Variants in TSKS observed in about 807,000 individuals in gnomAD.
TSKS encodes the protein testis specific serine kinase substrate, also known as testis-specific serine kinase substrate.
A neutral mutation model predicts 68.0 loss-of-function variants in TSKS; 27 were observed. The observed-to-expected ratio is 0.40, with a 90% confidence interval of 0.29 to 0.55. The LOEUF is 0.55. Among genes scored for constraint, TSKS ranks in the 20% least tolerant of loss-of-function variants. The pLI is 0.53. For missense variants in TSKS, 806 were observed against 776.0 expected, an observed-to-expected ratio of 1.04 and a Z score of -0.46; for synonymous variants, 331 against 340.4, an observed-to-expected ratio of 0.97 and a Z score of 0.30.
chr19:49,762,113 C>A lies in TSKS; in HGVS notation c.290G>T (p.Gly97Val). ...LAAMEPTDST[G>V]TDSTVEDLSG... ...GAGGTCTTCCACTGTGGAGTCTGTC[C>A]CCGTGGAGTCAGTGGGCTCCATGGC... The change falls in exon 2 of 11, where the codon GGG becomes GTG. Residue 97 changes from glycine (G) to valine (V), a missense_variant. By Grantham distance (109) the Gly-to-Val change is moderately radical. Transcript: ENST00000246801. The A allele has an allele frequency of 6.2e-7, 1 of 1,614,106 alleles. No homozygotes were observed. The highest frequency in any genetic ancestry group is 8.5e-7 in the Non-Finnish European group (1 of 1,180,008).
At chr19:49,745,510 C>T (rs543369785) in intron 6 of TSKS, 114 bp from the exon 7 acceptor site, 7 of 941,124 alleles carry the variant, frequency 7.4e-6, no homozygotes, top group Non-Finnish European at 9.0e-6. Context: ...AGACCATGCC[C>T]GTGGCTCCAG....
intron 4 of TSKS, 130 bp downstream of exon 4, chr19:49,747,955 T>G: frequency 1.2e-6 from 1 of 830,242 alleles, no homozygotes; most frequent in Non-Finnish European, 2.0e-6. Context: ...GTGATCTGCC[T>G]GCCTCGGCCT....
In TSKS at chr19:49,763,193, C is replaced by T. The variant is rs149529240; in HGVS notation, c.55G>A (p.Gly19Arg). The T allele has an allele frequency of 1.4e-4, 222 of 1,580,568 alleles. No homozygotes were observed. Among genetic ancestry groups the T allele is most frequent in the Middle Eastern group, 1.0e-3 (6 of 5,840 alleles). ...CTCTCCACCCCCGTGGGGGTGTCCC[C>T]GGCCTCATGGATCTCTTTGGACTGC... Reference protein sequence around the residue: ...IWQSKEIHEAGDTPTGVESCS... With the variant: ...IWQSKEIHEARDTPTGVESCS... Residue 19 changes from glycine (G) to arginine (R), a missense_variant, in exon 1 of 11, where the codon GGG (glycine) becomes AGG (arginine). Coordinates refer to ENST00000246801, the MANE Select transcript of TSKS (RefSeq NM_021733.2). The surrounding 1 kb of genome is among the most constrained non-coding windows in gnomAD (Gnocchi z 4.5).
chr19:49,746,803 G>A lies in TSKS; in HGVS notation c.664-5C>T. 5 of 1,597,818 alleles carry A rather than the reference G, an allele frequency of 3.1e-6. No homozygotes were observed. The highest frequency in any genetic ancestry group is 4.2e-6 in the Non-Finnish European group (5 of 1,179,018). ...CTGGAGGTAGCGCAGCTTCTCCTGG[G>A]TGGTAAGGGAGGACGGGGTCACAGC... On this transcript the variant is annotated splice_polypyrimidine_tract_variant and splice_region_variant and intron_variant, in intron 5 of 10. Transcript: ENST00000246801.
intron 8 of TSKS, among the ~76,000 whole-genome samples, chr19:49,742,779 A>G (rs1447828008): frequency 6.6e-6 from 1 of 151,346 alleles, no homozygotes; most frequent in East Asian, 2.0e-4. Flanking sequence ...TTACAGGCGT[A>G]AGCCACCACG....
chr19:49,749,940 T>C (rs1193157437), intron 2 of TSKS, among the ~76,000 whole-genome samples: 1 of 152,132 alleles, frequency 6.6e-6, no homozygotes, highest in Admixed American at 6.6e-5. Flanking sequence ...ATTTATTTTT[T>C]TTTTTAGCCT....
chr19:49,763,221 G>C lies in TSKS; in HGVS notation c.27C>G (p.Ile9Met). The C allele has an allele frequency of 6.5e-6, 10 of 1,530,964 alleles. No individual in the cohort carries two copies. Among genetic ancestry groups the C allele is most frequent in the Non-Finnish European group, 8.8e-6 (10 of 1,140,634 alleles). 94.8% of individuals were successfully genotyped at this position (1,530,964 alleles called of 1,614,324 possible). A position where few individuals can be genotyped will look rare whatever the true frequency, so the allele number is the denominator to read the frequency against. ...CCTCATGGATCTCTTTGGACTGCCAGATCGTCTTCACCACCACGCTCGCCA... is the reference window on the plus strand; with the variant it reads ...CCTCATGGATCTCTTTGGACTGCCACATCGTCTTCACCACCACGCTCGCCA... MASVVVKTIWQSKEIHEAG... is the reference protein window; with the variant it reads MASVVVKTMWQSKEIHEAG... The change falls in exon 1 of 11, where the codon ATC (isoleucine) becomes ATG (methionine). Residue 9 changes from isoleucine (I) to methionine (M), a missense_variant. Coordinates refer to ENST00000246801, the MANE Select transcript of TSKS (RefSeq NM_021733.2). This position sits in a 1 kb window ranked among gnomAD's most constrained non-coding sequence, Gnocchi z 4.5.
chr19:49,741,771 G>C, intron 9 of TSKS, 114 bp downstream of exon 9: 2 of 1,460,732 alleles, frequency 1.4e-6, no homozygotes, highest in Non-Finnish European at 1.9e-6. Context: ...GCTGCTCCCA[G>C]CTCAGCCCTT....
Position 49,748,411 on chromosome 19 carries a change from T to C in TSKS, c.458A>G (p.Lys153Arg), listed in dbSNP as rs554374712. 159 of 1,614,154 alleles carry C rather than the reference T, an allele frequency of 9.9e-5. No individual in the cohort carries two copies. The highest frequency in any genetic ancestry group is 2.3e-4 in the Admixed American group (14 of 60,004). ...CACGTGCTGGTTAACCCGGTTGGTC[T>C]TTTCCTTCAAGCTGGTGATGGAGTC... ...AKDSITSLKE[K>R]TNRVNQHVQS... Residue 153 changes from lysine to arginine, a missense_variant, in exon 3 of 11, where the codon AAG becomes AGG. Transcript: ENST00000246801.
intron 9 of TSKS, among the ~76,000 whole-genome samples, chr19:49,741,042 G>A (rs530285744): frequency 6.6e-6 from 1 of 152,172 alleles, no homozygotes; most frequent in African/African-American, 2.4e-5. Context: ...GCCAGGTATG[G>A]TGGCAGGCGC....
chr19:49,759,019 G>A (rs1205513876), intron 2 of TSKS, among the ~76,000 whole-genome samples: 4 of 151,716 alleles, frequency 2.6e-5, no homozygotes, highest in African/African-American at 4.8e-5. Flanking sequence ...CACCACGTCC[G>A]GCTAATTGTA....
rs766587963 is a variant in TSKS at position 49,762,034 on chromosome 19, A to G, written c.369T>C (p.Asp123=). 3.2e-5 allele frequency: 52 copies of G among 1,613,952 alleles called. No individual in the cohort carries two copies. The highest frequency in any genetic ancestry group is 4.3e-5 in the Non-Finnish European group (51 of 1,179,958). Residue 123 remains aspartate (D), a synonymous_variant, in exon 2 of 11, where the codon GAT becomes GAC. Coordinates refer to ENST00000246801, the MANE Select transcript of TSKS (RefSeq NM_021733.2). The part of the protein sequence containing the change: ...GPPASPTLPW[D]PDDADITEIL... Reference sequence around the variant, plus strand: ...TTTCCGTGATGTCTGCGTCATCCGGATCCCAGGGTAGGGTAGGGGAGGCAG... The same window carrying G: ...TTTCCGTGATGTCTGCGTCATCCGGGTCCCAGGGTAGGGTAGGGGAGGCAG...
chr19:49,762,986 C>T, intron 1 of TSKS, 92 bp downstream of exon 1: 1 of 1,478,292 alleles, frequency 6.8e-7, no homozygotes, highest in Non-Finnish European at 9.0e-7. Flanking sequence ...TTTTCCCCCT[C>T]CCCTTCCTCT....
intron 1 of TSKS, among the ~76,000 whole-genome samples, chr19:49,762,677 T>C (rs942881795): frequency 5.3e-5 from 8 of 151,980 alleles, no homozygotes; most frequent in African/African-American, 1.9e-4. Context: ...TCCACCTGCC[T>C]CGGCCTCCCA....
At chr19:49,743,259 A>G (rs1360739204) in intron 8 of TSKS, among the ~76,000 whole-genome samples, 1 of 151,446 alleles carries the variant, frequency 6.6e-6, no homozygotes, top group Non-Finnish European at 1.5e-5. Context: ...TTGTATTTTT[A>G]GTAGAGATGG....
rs749342962 is a variant in TSKS at position 49,762,116 on chromosome 19, G to C, written c.287C>G (p.Thr96Arg). The C allele has an allele frequency of 6.2e-6, 10 of 1,614,128 alleles. No homozygotes were observed. Among genetic ancestry groups the C allele is most frequent in the South Asian group, 3.3e-5 (3 of 91,086 alleles). Reference protein sequence around the residue: ...NLAAMEPTDSTGTDSTVEDLS... With the variant: ...NLAAMEPTDSRGTDSTVEDLS... ...GTCTTCCACTGTGGAGTCTGTCCCC[G>C]TGGAGTCAGTGGGCTCCATGGCGGC... is the stretch of plus-strand genomic sequence containing the variant. The change falls in exon 2 of 11, where the codon ACG (threonine) becomes AGG (arginine). Residue 96 changes from threonine (T) to arginine (R), a missense_variant. Coordinates refer to ENST00000246801, the MANE Select transcript of TSKS (RefSeq NM_021733.2).
In TSKS at chr19:49,763,225, G is replaced by A. The variant is rs771623641; in HGVS notation, c.23C>T (p.Thr8Met). The A allele has an allele frequency of 3.4e-5, 51 of 1,518,670 alleles. No individual in the cohort carries two copies. The highest frequency in any genetic ancestry group is 2.5e-4 in the East Asian group (10 of 39,656). 94.1% of individuals were successfully genotyped at this position (1,518,670 alleles called of 1,614,324 possible). The change falls in exon 1 of 11, where the codon ACG becomes ATG. Residue 8 changes from threonine to methionine, a missense_variant. By Grantham distance (81) the Thr-to-Met change is moderately conservative (BLOSUM62 -1). Coordinates refer to ENST00000246801, the MANE Select transcript of TSKS (RefSeq NM_021733.2). This position sits in a 1 kb window ranked among gnomAD's most constrained non-coding sequence, Gnocchi z 4.5. MASVVVK[T>M]IWQSKEIHEA... ...ATGGATCTCTTTGGACTGCCAGATC[G>A]TCTTCACCACCACGCTCGCCATGGT...
chr19:49,751,999 G>T (rs909734055), intron 2 of TSKS, among the ~76,000 whole-genome samples: 4 of 151,890 alleles, frequency 2.6e-5, no homozygotes, highest in African/African-American at 9.7e-5. Context: ...GCTTGAACCT[G>T]GGAGGTGGAT....
chr19:49,756,027 AC>A (rs2084389955), intron 2 of TSKS, among the ~76,000 whole-genome samples: 1 of 152,000 alleles, frequency 6.6e-6, no homozygotes, highest in Non-Finnish European at 1.5e-5. Context: ...AAGAAAGAAA[AC>A]CACAGACCAA....
Sources: allele counts gnomAD v4.1 joint callset (sites outside exome capture counted in the v4.1 genomes callset), GRCh38; gene constraint gnomAD v4.1.1; non-coding constraint Gnocchi (gnomAD v3.1); transcripts MANE v1.5; gene names NCBI Gene and HGNC (gene_info 2026-07-23, HGNC 2026-07-21).